Variants in AGMO observed in about 807,000 individuals in gnomAD.
AGMO encodes the protein glyceryl-ether monooxygenase.
In AGMO, 75 loss-of-function variants were observed where a neutral mutation model predicts 60.2. The observed-to-expected ratio is 1.25, with a 90% CI of 1.03 to 1.51. The LOEUF (loss-of-function observed/expected upper bound fraction) is 1.51. Among genes scored for constraint, AGMO ranks in the 40% most tolerant of loss-of-function variants. The probability of loss-of-function intolerance (pLI) is 0.00; values close to 1 mark genes in which losing one functional copy is unlikely to be tolerated. For missense variants in AGMO, 763 were observed against 525.5 expected, an observed-to-expected ratio of 1.45 and a Z score of -4.42; for synonymous variants, 261 against 177.1, an observed-to-expected ratio of 1.47 and a Z score of -3.76.
intron 3 of AGMO, among the ~76,000 whole-genome samples, chr7:15,445,984 T>C (rs950372228): frequency 1.3e-5 from 2 of 152,362 alleles, no homozygotes; most frequent in South Asian, 4.1e-4. Context: ...TACCATTTTG[T>C]ATTTAAATAT....
At chr7:15,413,022 T>C (rs1204656518) in intron 5 of AGMO, among the ~76,000 whole-genome samples, 2 of 152,148 alleles carry the variant, frequency 1.3e-5, no homozygotes, top group Non-Finnish European at 2.9e-5. Context: ...TCAATTGAAG[T>C]AGACCTGAAT....
At chr7:15,118,395 G>A in the AGMO span, among the ~76,000 whole-genome samples, 2 of 151,984 alleles carry the variant, frequency 1.3e-5, no homozygotes, top group African/African-American at 4.8e-5. Context: ...TACACTGACA[G>A]AGAAGCTATA....
the AGMO span, among the ~76,000 whole-genome samples, chr7:15,153,193 T>C: frequency 1.3e-5 from 2 of 152,048 alleles, no homozygotes; most frequent in Non-Finnish European, 2.9e-5. Context: ...TGTTTTTTTT[T>C]TTCTTTTCTT....
chr7:15,279,160 G>A (rs1783888355), intron 12 of AGMO, among the ~76,000 whole-genome samples: 3 of 152,064 alleles, frequency 2.0e-5, no homozygotes, highest in Non-Finnish European at 4.4e-5. Flanking sequence ...GGGGGAGGAG[G>A]CTCTCCCCCG....
intron 3 of AGMO, among the ~76,000 whole-genome samples, chr7:15,488,668 A>T (rs1782983858): frequency 6.6e-6 from 1 of 152,172 alleles, no homozygotes; most frequent in South Asian, 2.1e-4. Context: ...CTGAACAGAT[A>T]GTAGGTACTT....
At chr7:15,164,482 C>A in the AGMO span, among the ~76,000 whole-genome samples, 1 of 151,986 alleles carries the variant, frequency 6.6e-6, no homozygotes, top group Admixed American at 6.6e-5. Context: ...AAAATATTTG[C>A]AAACTATGCC....
At chr7:15,438,459 T>G (rs1781459862) in intron 3 of AGMO, among the ~76,000 whole-genome samples, 1 of 152,206 alleles carries the variant, frequency 6.6e-6, no homozygotes, top group Admixed American at 6.5e-5. Context: ...AAGTAATGAT[T>G]ATTTTTCATG....
intron 5 of AGMO, chr7:15,396,527 G>C (rs10269015): frequency 1.5e-4 from 23 of 152,176 alleles, no homozygotes; most frequent in East Asian, 3.9e-4. Flanking sequence ...ACATTGCAAA[G>C]AGCAAAAGAA....
At chr7:15,511,013 A>T (rs552251457) in intron 3 of AGMO, among the ~76,000 whole-genome samples, 1 of 152,014 alleles carries the variant, frequency 6.6e-6, no homozygotes, top group East Asian at 1.9e-4. Context: ...AAAAAGATAC[A>T]CAACACTTCT....
Position 15,385,675 on chromosome 7 carries a change from A to C in AGMO, c.958-113T>G, listed in dbSNP as rs1783883069. ...TCTGCTATTTTTTTTAAAAAAAGAC[A>C]AACATAATTTTTAAAAATAGAAACA... On this transcript the variant is annotated intron_variant, in intron 9 of 12. Transcript: ENST00000342526. 8 of 697,616 alleles carry C rather than the reference A, an allele frequency of 1.1e-5. No homozygotes were observed. The South Asian group carries it at 1.2e-4, about 10-fold the overall frequency. The allele number at this position is 697,616 out of a possible 1,614,324, so 43.2% of individuals were successfully genotyped here.
chr7:15,137,194 C>G, the AGMO span, among the ~76,000 whole-genome samples: 5 of 152,280 alleles, frequency 3.3e-5, no homozygotes, highest in South Asian at 2.1e-4. Flanking sequence ...ATTTCTTACA[C>G]ATTTGTCGGT....
intron 3 of AGMO, among the ~76,000 whole-genome samples, chr7:15,509,371 C>CAAAA (rs56841825): frequency 6.9e-6 from 1 of 145,706 alleles, no homozygotes. Context: ...GACCCACATG[C>CAAAA]AAAAAAAAAA....
intron 12 of AGMO, among the ~76,000 whole-genome samples, chr7:15,357,537 C>T (rs566787865): frequency 6.4e-4 from 98 of 152,258 alleles, no homozygotes; most frequent in African/African-American, 8.7e-4. Context: ...CTTTGATTTT[C>T]GGCTGGTCTG....
intron 3 of AGMO, among the ~76,000 whole-genome samples, chr7:15,498,034 C>T (rs1403894339): frequency 1.3e-5 from 2 of 151,962 alleles, no homozygotes; most frequent in African/African-American, 4.8e-5. Flanking sequence ...ACAACACACA[C>T]GATAATTAGC....
intron 5 of AGMO, among the ~76,000 whole-genome samples, chr7:15,405,653 C>T (rs935714810): frequency 2.6e-5 from 4 of 151,898 alleles, no homozygotes; most frequent in African/African-American, 4.8e-5. Context: ...ATGTTCCTAA[C>T]TATGAGCTTT....
chr7:15,455,138 T>C (rs988030223), intron 3 of AGMO, among the ~76,000 whole-genome samples: 3 of 151,130 alleles, frequency 2.0e-5, no homozygotes, highest in Non-Finnish European at 3.0e-5. Flanking sequence ...GTCCTCTCAA[T>C]AGAGTTATAT....
intron 3 of AGMO, among the ~76,000 whole-genome samples, chr7:15,461,580 C>T (rs1782143519): frequency 6.6e-6 from 1 of 152,094 alleles, no homozygotes; most frequent in Admixed American, 6.6e-5. Flanking sequence ...TAGGGGTTCT[C>T]ATTAGCATTT....
intron 3 of AGMO, among the ~76,000 whole-genome samples, chr7:15,466,139 G>T (rs1028407569): frequency 6.6e-6 from 1 of 152,108 alleles, no homozygotes; most frequent in Admixed American, 6.6e-5. Flanking sequence ...CTGGTACAAT[G>T]GTGATGATAA....
chr7:15,481,789 A>ATTTTTT (rs5882513), intron 3 of AGMO, among the ~76,000 whole-genome samples: 49 of 98,686 alleles, frequency 5.0e-4, no homozygotes, highest in African/African-American at 6.7e-4. Flanking sequence ...GACTAAATGT[A>ATTTTTT]TTTTTTTTTT....
Sources: gnomAD v4.1 joint callset for allele counts (sites outside exome capture counted in the v4.1 genomes callset) on GRCh38, gnomAD v4.1.1 for gene constraint, MANE v1.5 for transcripts, NCBI Gene and HGNC (gene_info 2026-07-23, HGNC 2026-07-21) for gene names.